SAFB2: variants seen among roughly 807,000 people sequenced by gnomAD.
SAFB2 encodes scaffold attachment factor B2.
SAFB2 carries 32 observed loss-of-function variants against 100.6 expected under a neutral mutation model. The ratio of observed to expected loss-of-function variants is 0.32; its 90% CI spans 0.24 to 0.43. The LOEUF (loss-of-function observed/expected upper bound fraction) is 0.43. SAFB2 is among the 20% of genes least tolerant of loss of function. The pLI is 1.00. For missense variants in SAFB2, 1,185 were observed against 1,163.4 expected, an observed-to-expected ratio of 1.02 and a Z score of -0.27; for synonymous variants, 500 against 439.4, an observed-to-expected ratio of 1.14 and a Z score of -1.72.
At position 5,613,458 on chromosome 19, in the gene SAFB2, A is replaced by G; in HGVS notation, c.606+7T>C. 2 of 1,611,328 alleles carry G rather than the reference A, an allele frequency of 1.2e-6. No homozygotes were observed. Among genetic ancestry groups the G allele is most frequent in the Non-Finnish European group, 1.7e-6 (2 of 1,177,864 alleles). On this transcript the variant is annotated splice_region_variant and intron_variant, in intron 5 of 20. Transcript: ENST00000252542. ...TTCCAGCGATGCAGAACCAGATGGT[A>G]ACTTACCGGAGTTACTTTGAAGTTC...
intron 13 of SAFB2, chr19:5,598,487 G>A (rs759632792): frequency 1.1e-5 from 4 of 370,378 alleles, no homozygotes; most frequent in South Asian, 7.2e-5. Context: ...CCTGCCTTCC[G>A]GCTCGAAAAG....
intron 16 of SAFB2, among the ~76,000 whole-genome samples, 199 bp from the exon 17 acceptor site, chr19:5,591,992 T>C (rs1021783316): frequency 2.6e-5 from 4 of 152,060 alleles, no homozygotes; most frequent in South Asian, 2.1e-4. Flanking sequence ...CCTAAAGAGG[T>C]AGGAATAAAG....
chr19:5,617,740 G>T (rs1260846920), intron 2 of SAFB2, among the ~76,000 whole-genome samples: 3 of 152,102 alleles, frequency 2.0e-5, no homozygotes, highest in African/African-American at 7.2e-5. Flanking sequence ...GAATTCTTCG[G>T]CCCAAATTGT....
At position 5,587,700 on chromosome 19, in the gene SAFB2, C is replaced by T; in HGVS notation, c.2705+1G>A. The T allele has an allele frequency of 1.9e-6, 3 of 1,549,772 alleles. No homozygotes were observed. The highest frequency in any genetic ancestry group is 1.7e-6 in the Non-Finnish European group (2 of 1,146,234). On this transcript the variant is annotated splice_donor_variant, in intron 20 of 20. Transcript: ENST00000252542. LOFTEE classifies it high-confidence loss of function. This position sits in a 1 kb window ranked among gnomAD's most constrained non-coding sequence, Gnocchi z 4.9. ...CGTCCTCCACGGACGACACACCTTA[C>T]CCCGCCACTCCACCGCGGCTTGCCA...
At chr19:5,609,196 G>A (rs776582821) in intron 9 of SAFB2, among the ~76,000 whole-genome samples, 12 of 151,276 alleles carry the variant, frequency 7.9e-5, no homozygotes, top group Non-Finnish European at 1.0e-4. Flanking sequence ...CCACCCCCAT[G>A]AGCAGCATCT....
At chr19:5,599,365 T>C (rs1251230033) in intron 12 of SAFB2, among the ~76,000 whole-genome samples, 5 of 152,044 alleles carry the variant, frequency 3.3e-5, no homozygotes, top group African/African-American at 1.2e-4. Flanking sequence ...ACCAATTATC[T>C]CTCCTGACGA....
Position 5,611,172 on chromosome 19 carries a change from G to A in SAFB2, c.1093C>T (p.Pro365Ser). 4 of 478,558 alleles carry A rather than the reference G, an allele frequency of 8.4e-6. No homozygotes were observed. The highest frequency in any genetic ancestry group is 1.4e-5 in the Non-Finnish European group (4 of 287,732). 29.6% of individuals were successfully genotyped at this position (478,558 alleles called of 1,614,324 possible). A position where few individuals can be genotyped will look rare whatever the true frequency, so the allele number is the denominator to read the frequency against. ...GTTGAGGACTCTTTAGGAGCCGGAG[G>A]GACTTCATTACAAGCGTCAAAATCA... ...KFDFDACNEV[P>S]PAPKESSTSE... Residue 365 changes from proline (P) to serine (S), a missense_variant, in exon 7 of 21, where the codon CCT becomes TCT. Pro to Ser is a moderately conservative substitution (Grantham distance 74). Around this residue, in one of 3 missense-constraint regions of SAFB2, gnomAD observed 351 missense variants for 341.2 expected, o/e 1.03. Transcript: ENST00000252542.
intron 1 of SAFB2, among the ~76,000 whole-genome samples, chr19:5,621,763 G>A (rs1226879936): frequency 6.6e-6 from 1 of 152,234 alleles, no homozygotes; most frequent in African/African-American, 2.4e-5. Flanking sequence ...GCTGGCCACC[G>A]CTGGTGAGGA....
chr19:5,611,890 C>T, intron 6 of SAFB2: 1 of 606,170 alleles, frequency 1.6e-6, no homozygotes, highest in Non-Finnish European at 3.0e-6. Context: ...GGCTGGTTCT[C>T]AATAGTCTTC....
In SAFB2 at chr19:5,622,569, C is replaced by A; in HGVS notation, c.147G>T (p.Thr49=). 1 of 1,613,478 alleles carries A rather than the reference C, an allele frequency of 6.2e-7. No homozygotes were observed. The highest frequency in any genetic ancestry group is 8.5e-7 in the Non-Finnish European group (1 of 1,179,768). ...CCATCAGGACGCTCTTGTTGCCGCCCGTGTCCAGGTTCCGCTTCTTCAGCT... is the reference window on the plus strand; with the variant it reads ...CCATCAGGACGCTCTTGTTGCCGCCAGTGTCCAGGTTCCGCTTCTTCAGCT... The part of the protein sequence containing the change: ...RAELKKRNLD[T]GGNKSVLMER... The change falls in exon 1 of 21, where the codon ACG becomes ACT. Residue 49 remains threonine, a synonymous_variant. Transcript: ENST00000252542.
Position 5,604,618 on chromosome 19 carries a change from G to T in SAFB2, c.1524C>A (p.Val508=). 6.2e-7 allele frequency: 1 copy of T among 1,613,992 alleles called. No individual in the cohort carries two copies. Among genetic ancestry groups the T allele is most frequent in the Non-Finnish European group, 8.5e-7 (1 of 1,179,926 alleles). The stretch of plus-strand genomic sequence containing the variant: ...TGATCTCCACAGAATGATGTCTGTC[G>T]ACACTCGATAATTTTTCCTTCTTCA... ...CEVKKEKLSS[V]DRHHSVEIKI... is the part of the protein sequence containing the mutation. Residue 508 remains valine (V), a synonymous_variant, in exon 11 of 21, where the codon GTC becomes GTA. Transcript: ENST00000252542.
intron 17 of SAFB2, among the ~76,000 whole-genome samples, chr19:5,591,073 G>A (rs755640272): frequency 2.6e-5 from 4 of 151,674 alleles, no homozygotes; most frequent in South Asian, 4.2e-4. Context: ...CCATCCCCCC[G>A]ACCCTGGCAC....
At chr19:5,614,769 G>T (rs962654497) in intron 4 of SAFB2, among the ~76,000 whole-genome samples, 3 of 152,188 alleles carry the variant, frequency 2.0e-5, no homozygotes, top group African/African-American at 7.2e-5. Context: ...CAAAACACTA[G>T]AAGTGAAAAG....
chr19:5,609,872 A>G, intron 9 of SAFB2, 123 bp downstream of exon 9: 1 of 822,858 alleles, frequency 1.2e-6, no homozygotes, highest in Non-Finnish European at 2.0e-6. Context: ...TCCTGGGCTC[A>G]AGCAATCCTC....
At chr19:5,599,800 A>G (rs574430024) in intron 12 of SAFB2, among the ~76,000 whole-genome samples, 1 of 152,264 alleles carries the variant, frequency 6.6e-6, no homozygotes, top group East Asian at 1.9e-4. Context: ...CCTGCAAAAT[A>G]GCATCAGGTT....
At chr19:5,610,978 G>C (rs2052897290) in intron 7 of SAFB2, 142 bp downstream of exon 7, 1 of 558,834 alleles carries the variant, frequency 1.8e-6, no homozygotes, top group Non-Finnish European at 3.2e-6. Context: ...AACACACAAA[G>C]AGAAACGAAA....
intron 6 of SAFB2, 145 bp from the exon 7 acceptor site, chr19:5,611,775 A>C: frequency 1.8e-6 from 1 of 552,264 alleles, no homozygotes; most frequent in South Asian, 2.0e-5. Context: ...CGGGTACACA[A>C]AGTTATACTG....
rs763450029 is a variant in SAFB2, at chr19:5,622,758, C to T, written c.-43G>A. The T allele has an allele frequency of 5.8e-6, 9 of 1,562,830 alleles. 1 individual carries two copies. The South Asian group carries it at 5.8e-5, about 10-fold the overall frequency. ...CGCCACCGACTCAGTCGCACACCGCCGGCAGCTATAGCGGCTCTGAACACA... is the reference window on the plus strand; with the variant it reads ...CGCCACCGACTCAGTCGCACACCGCTGGCAGCTATAGCGGCTCTGAACACA... On this transcript the variant is annotated 5_prime_UTR_variant, in exon 1 of 21. Transcript: ENST00000252542.
intron 18 of SAFB2, among the ~76,000 whole-genome samples, 180 bp from the exon 19 acceptor site, chr19:5,588,160 C>T (rs566869767): frequency 7.7e-4 from 117 of 152,150 alleles, no homozygotes; most frequent in African/African-American, 2.7e-3. Context: ...CTAGTAAGCA[C>T]GTGAGAAGGT....
Sources: allele counts gnomAD v4.1 joint callset (sites outside exome capture counted in the v4.1 genomes callset), GRCh38; gene constraint gnomAD v4.1.1; regional missense constraint gnomAD v4.1.1; non-coding constraint Gnocchi (gnomAD v3.1); transcripts MANE v1.5; gene names NCBI Gene and HGNC (gene_info 2026-07-23, HGNC 2026-07-21).